GRIK5: variants seen among roughly 807,000 people sequenced by gnomAD.
The protein encoded by GRIK5 is glutamate receptor ionotropic, kainate 5.
Under a neutral mutation model 97.4 loss-of-function variants are expected in GRIK5, and 43 were observed. The observed-to-expected ratio is 0.44, with a 90% CI of 0.35 to 0.57. The LOEUF (loss-of-function observed/expected upper bound fraction) is 0.57, where lower values mean the gene tolerates loss of function less well. Among genes scored for constraint, GRIK5 ranks in the 20% least tolerant of loss-of-function variants. The probability of loss-of-function intolerance (pLI) is 0.01; values close to 1 mark genes in which losing one functional copy is unlikely to be tolerated. For synonymous variants in GRIK5, 580 were observed against 583.5 expected, an observed-to-expected ratio of 0.99 and a Z score of 0.09; for missense variants, 1,015 against 1,382.0, an observed-to-expected ratio of 0.73 and a Z score of 4.21.
At chr19:42,016,773 A>T (rs1286575064) in intron 15 of GRIK5, among the ~76,000 whole-genome samples, 1 of 152,158 alleles carries the variant, frequency 6.6e-6, no homozygotes, top group Non-Finnish European at 1.5e-5. Flanking sequence ...TGTATGGAAC[A>T]GTGGTCTCTG....
rs760713462 is a variant in GRIK5, at chr19:42,042,530, C to T, written c.1473+22G>A. On this transcript the variant is annotated intron_variant, in intron 12 of 19. Coordinates refer to ENST00000593562, the MANE Select transcript of GRIK5 (RefSeq NM_002088.5). The surrounding 1 kb of genome is among the most constrained non-coding windows in gnomAD (Gnocchi z 6.9). ...TCACTCGCCGGGTCCATGCATCTTT[C>T]CCGGCCCCAGTCCAGCCATACCCGG... 5.7e-6 allele frequency: 9 copies of T among 1,592,868 alleles called. No homozygotes were observed. In the South Asian group the frequency reaches 7.7e-5, roughly 14 times the overall value.
chr19:42,053,993 C>T (rs1270293441), intron 9 of GRIK5, 64 bp from the exon 10 acceptor site: 5 of 1,106,980 alleles, frequency 4.5e-6, no homozygotes, highest in Admixed American at 1.8e-5. Flanking sequence ...CAGGGAAGGC[C>T]CAACGTGGTG....
chr19:42,018,273 G>A (rs555985631), intron 15 of GRIK5, among the ~76,000 whole-genome samples: 41 of 151,126 alleles, frequency 2.7e-4, no homozygotes, highest in Admixed American at 5.9e-4. Context: ...GCAGTGAGCC[G>A]GGATCGCACC....
chr19:42,049,965 T>C (rs1327504786), intron 11 of GRIK5, among the ~76,000 whole-genome samples: 2 of 152,034 alleles, frequency 1.3e-5, no homozygotes, highest in Non-Finnish European at 2.9e-5. Flanking sequence ...TTAGACAGGG[T>C]CTCACTCTGT....
rs2076190169 is a variant in GRIK5, at chr19:42,056,685, C to T, written c.880G>A (p.Ala294Thr). 6.2e-7 allele frequency: 1 copy of T among 1,614,022 alleles called. No homozygotes were observed. The highest frequency in any genetic ancestry group is 1.3e-5 in the African/African-American group (1 of 75,034). ...ACCGCAGGGCCCAGGTAGGTGCTGGCTTCACAGTTCTCCCTCCAGGACATG... is the reference window on the plus strand; with the variant it reads ...ACCGCAGGGCCCAGGTAGGTGCTGGTTTCACAGTTCTCCCTCCAGGACATG... ...LNMSWRENCEASTYLGPALSA... is the reference protein window; with the variant it reads ...LNMSWRENCETSTYLGPALSA... The change falls in exon 8 of 20, where the codon GCC becomes ACC. Residue 294 changes from alanine to threonine, a missense_variant. Ala to Thr is a moderately conservative substitution (Grantham distance 58). Around this residue, in one of 5 missense-constraint regions of GRIK5, gnomAD observed 477 missense variants for 701.1 expected, o/e 0.68. Coordinates refer to ENST00000593562, the MANE Select transcript of GRIK5 (RefSeq NM_002088.5).
chr19:42,006,610 C>T lies in GRIK5; in HGVS notation c.2037+35G>A. 3 of 1,602,376 alleles carry T rather than the reference C, an allele frequency of 1.9e-6. No homozygotes were observed. Among genetic ancestry groups the T allele is most frequent in the Non-Finnish European group, 2.6e-6 (3 of 1,170,376 alleles). ...TGAGCTGCTTTGCATGGCAGGGATC[C>T]CAACACCACGCCTGAGAGGTTCTGG... is the stretch of plus-strand genomic sequence containing the variant. On this transcript the variant is annotated intron_variant, in intron 16 of 19. Transcript: ENST00000593562. This position sits in a 1 kb window ranked among gnomAD's most constrained non-coding sequence, Gnocchi z 5.3.
At chr19:42,025,059 C>T (rs1396093587) in intron 12 of GRIK5, among the ~76,000 whole-genome samples, 7 of 152,202 alleles carry the variant, frequency 4.6e-5, no homozygotes, top group Admixed American at 3.3e-4. Context: ...CATCCTCCTC[C>T]GCTGAAACCC....
intron 11 of GRIK5, among the ~76,000 whole-genome samples, chr19:42,051,248 C>A (rs1740341973): frequency 6.6e-6 from 1 of 152,080 alleles, no homozygotes; most frequent in South Asian, 2.1e-4. Context: ...GGGACTTCTG[C>A]ACCCCCAGCT....
chr19:41,998,771 A>T lies in GRIK5; in HGVS notation c.*100T>A. 1.8e-6 allele frequency: 1 copy of T among 541,746 alleles called. No individual in the cohort carries two copies. The allele number at this position is 541,746 out of a possible 1,614,324, so 33.6% of individuals were successfully genotyped here. A position where few individuals can be genotyped will look rare whatever the true frequency, so the allele number is the denominator to read the frequency against. ...GCGGCGTCCGGGGCGCCGGCGCACA[A>T]GTCCTGTCCCGCGCCCGCTGCGGGA... On this transcript the variant is annotated 3_prime_UTR_variant, in exon 20 of 20. Coordinates refer to ENST00000593562, the MANE Select transcript of GRIK5 (RefSeq NM_002088.5).
At chr19:42,029,147 A>G (rs1374247588) in intron 12 of GRIK5, among the ~76,000 whole-genome samples, 6 of 151,964 alleles carry the variant, frequency 3.9e-5, no homozygotes. Context: ...AGCTCACTGC[A>G]ACCTCCGCCT....
intron 1 of GRIK5, among the ~76,000 whole-genome samples, chr19:42,068,319 G>A (rs1235017449): frequency 1.3e-5 from 2 of 152,180 alleles, no homozygotes; most frequent in Admixed American, 1.3e-4. Context: ...CCGTGTGGGG[G>A]AGCAGGAGAT....
intron 11 of GRIK5, among the ~76,000 whole-genome samples, chr19:42,043,921 C>A (rs373844499): frequency 1.5e-4 from 23 of 152,228 alleles, no homozygotes; most frequent in African/African-American, 5.1e-4. Flanking sequence ...AATAAAATAA[C>A]ATAAATGTTA....
rs1439058822 is a variant in GRIK5 at position 42,070,173 on chromosome 19, C to T, written c.-983G>A. On this transcript the variant is annotated 5_prime_UTR_variant, in exon 1 of 20. Coordinates refer to ENST00000593562, the MANE Select transcript of GRIK5 (RefSeq NM_002088.5). ...CCTCCGAGGCCGCCGCCTGCCTGCC[C>T]GCCTGCCGCCTGCGCTGGGTCCTGG... 1.3e-5 allele frequency among the ~76,000 whole-genome samples: 2 copies of T among 152,026 alleles called. No homozygotes were observed. The highest frequency in any genetic ancestry group is 2.4e-5 in the African/African-American group (1 of 41,394).
At chr19:42,060,085 A>T (rs560114813) in intron 5 of GRIK5, among the ~76,000 whole-genome samples, 4 of 152,014 alleles carry the variant, frequency 2.6e-5, no homozygotes, top group Admixed American at 1.3e-4. Context: ...CCTCTGCCCC[A>T]AACCCTCAAA....
At chr19:42,059,241 C>T (rs1054655776) in intron 6 of GRIK5, 108 bp downstream of exon 6, 1 of 800,458 alleles carries the variant, frequency 1.2e-6, no homozygotes, top group South Asian at 1.7e-5. Flanking sequence ...AGAAGAAGGT[C>T]TTGAAGCCCC....
intron 11 of GRIK5, among the ~76,000 whole-genome samples, chr19:42,047,972 C>CAAAAAAAAA (rs552963887): frequency 2.0e-4 from 11 of 54,878 alleles, no homozygotes; most frequent in Non-Finnish European, 2.5e-4. Flanking sequence ...GACTCTGTCT[C>CAAAAAAAAA]AAAAAAAAAA....
Position 42,062,756 on chromosome 19 carries a change from ACCT to A in GRIK5, c.341_342+1del, listed in dbSNP as rs1234402947. 1 of 1,611,534 alleles carries A rather than the reference ACCT, an allele frequency of 6.2e-7. No homozygotes were observed. Among genetic ancestry groups the A allele is most frequent in the Non-Finnish European group, 8.5e-7 (1 of 1,178,426 alleles). ...AGCGCCGGCCCACACTCCCCATCTC[ACCT>A]CCTTCTCTCCACAGATATGGCTCAC... On this transcript the variant is annotated splice_donor_variant and coding_sequence_variant, in exon 4 of 20. Transcript: ENST00000593562. LOFTEE classifies it high-confidence loss of function. This position sits in a 1 kb window ranked among gnomAD's most constrained non-coding sequence, Gnocchi z 5.3.
At chr19:42,032,501 C>T (rs867218321) in intron 12 of GRIK5, among the ~76,000 whole-genome samples, 2 of 152,188 alleles carry the variant, frequency 1.3e-5, no homozygotes, top group South Asian at 2.1e-4. Flanking sequence ...GGAACACTCC[C>T]ACAAATCCAC....
chr19:42,066,109 C>T (rs944662524), intron 1 of GRIK5, among the ~76,000 whole-genome samples: 5 of 152,202 alleles, frequency 3.3e-5, no homozygotes, highest in Admixed American at 6.5e-5. Flanking sequence ...AGGAGGGAGG[C>T]GTGCGAGGTT....
Sources: gnomAD v4.1 joint callset for allele counts (sites outside exome capture counted in the v4.1 genomes callset) on GRCh38, gnomAD v4.1.1 for gene constraint, gnomAD v4.1.1 regional missense constraint, Gnocchi (gnomAD v3.1) non-coding constraint, MANE v1.5 for transcripts, NCBI Gene and HGNC (gene_info 2026-07-23, HGNC 2026-07-21) for gene names.